DMXL2: variants seen among roughly 807,000 people sequenced by gnomAD.
The protein encoded by DMXL2 is Dmx like 2.
In DMXL2, 103 loss-of-function variants were observed where a neutral mutation model predicts 331.1. That is an observed-to-expected ratio of 0.31 (90% CI 0.27 to 0.37). The LOEUF is 0.37. Among genes scored for constraint, DMXL2 ranks in the 10% least tolerant of loss-of-function variants. DMXL2 has a pLI of 1.00. For missense variants in DMXL2, 3,171 were observed against 3,642.9 expected, an observed-to-expected ratio of 0.87 and a Z score of 3.33; for synonymous variants, 1,281 against 1,252.1, an observed-to-expected ratio of 1.02 and a Z score of -0.49.
At position 51,621,156 on chromosome 15, in the gene DMXL2, G is replaced by C. The variant is rs540440955; in HGVS notation, c.87+1303C>G. On this transcript the variant is annotated intron_variant, in intron 1 of 43. Transcript: ENST00000560891. ...GCTCAGCTCTATATGAATATTTTAA[G>C]TCACATGTACATAAAACACAGATGA... Among the ~76,000 whole-genome samples the C allele has an allele frequency of 2.6e-5, 4 of 152,234 alleles. No homozygotes were observed. In the East Asian group the frequency reaches 7.7e-4, roughly 29 times the overall value.
intron 2 of DMXL2, among the ~76,000 whole-genome samples, chr15:51,571,084 G>A (rs763162359): frequency 2.0e-5 from 3 of 152,130 alleles, no homozygotes; most frequent in Non-Finnish European, 4.4e-5. Flanking sequence ...TAAAGGGATA[G>A]AGGAAGATTT....
Position 51,537,536 on chromosome 15 carries a change from A to C in DMXL2, c.1569T>G (p.His523Gln). The stretch of plus-strand genomic sequence containing the variant: ...GATTATATTCATCCAAATACTTCAC[A>C]TGCCACACTAGAAAGGTACCATCTA... ...HPVDGTFLVW[H>Q]VKYLDEYNPG... The change falls in exon 11 of 44, where the codon CAT (histidine) becomes CAG (glutamine). Residue 523 changes from histidine (H) to glutamine (Q), a missense_variant. His to Gln is a conservative substitution (Grantham distance 24). Coordinates refer to ENST00000560891, the MANE Select transcript of DMXL2 (RefSeq NM_001378457.1). The C allele has an allele frequency of 6.2e-7, 1 of 1,613,826 alleles. No homozygotes were observed. Among genetic ancestry groups the C allele is most frequent in the Non-Finnish European group, 8.5e-7 (1 of 1,179,816 alleles).
Position 51,600,663 on chromosome 15 carries a change from C to G in DMXL2, c.87+21796G>C, listed in dbSNP as rs77014278. ...AGCTCACCTGACCAACACACCTGAA[C>G]CTAATTCTCCGCTTGGTCAGGGTTC... On this transcript the variant is annotated intron_variant, in intron 1 of 43. Coordinates refer to ENST00000560891, the MANE Select transcript of DMXL2 (RefSeq NM_001378457.1). Among the ~76,000 whole-genome samples the G allele has an allele frequency of 2.6e-3, 393 of 152,272 alleles. 17 individuals carry two copies. In the East Asian group the frequency reaches 0.061, roughly 24 times the overall value.
chr15:51,462,319 CATTG>C (rs1016735593), intron 33 of DMXL2, among the ~76,000 whole-genome samples: 5 of 152,090 alleles, frequency 3.3e-5, no homozygotes, highest in Non-Finnish European at 7.4e-5. Flanking sequence ...CTTCTCTTCT[CATTG>C]ATTGTGTTTG....
intron 29 of DMXL2, chr15:51,466,540 C>T (rs1027443631): frequency 3.2e-5 from 5 of 158,360 alleles, no homozygotes. Context: ...GTAAAACTCT[C>T]ATATTCAATA....
intron 1 of DMXL2, among the ~76,000 whole-genome samples, chr15:51,590,453 T>C (rs2052208860): frequency 2.0e-5 from 3 of 152,244 alleles, no homozygotes; most frequent in African/African-American, 7.2e-5. Flanking sequence ...GGCTCAGCTG[T>C]ACTACAACTT....
chr15:51,485,034 CA>C (rs35332731), intron 23 of DMXL2, among the ~76,000 whole-genome samples: 1,086 of 99,766 alleles, frequency 0.011, 12 homozygotes, highest in East Asian at 0.078. Flanking sequence ...TCAGGCAAAC[CA>C]AAAAAAAAAA....
At chr15:51,615,869 A>G (rs969519413) in intron 1 of DMXL2, among the ~76,000 whole-genome samples, 2 of 152,202 alleles carry the variant, frequency 1.3e-5, no homozygotes, top group Non-Finnish European at 2.9e-5. Flanking sequence ...TGAGCTACAT[A>G]TATCTGTGAA....
intron 2 of DMXL2, among the ~76,000 whole-genome samples, 172 bp from the exon 3 acceptor site, chr15:51,568,730 T>C (rs987523625): frequency 2.0e-5 from 3 of 152,208 alleles, no homozygotes; most frequent in Non-Finnish European, 4.4e-5. Context: ...CTCTCCCCTG[T>C]TATCAAAAAA....
intron 1 of DMXL2, among the ~76,000 whole-genome samples, chr15:51,589,585 A>G (rs1443547363): frequency 1.3e-5 from 2 of 152,218 alleles, no homozygotes; most frequent in South Asian, 2.1e-4. Context: ...GAGGAAAGAG[A>G]GCAAAACAGG....
chr15:51,454,457 A>T (rs1292431652), intron 40 of DMXL2, among the ~76,000 whole-genome samples: 1 of 152,148 alleles, frequency 6.6e-6, no homozygotes, highest in Non-Finnish European at 1.5e-5. Context: ...ATAATCTGGT[A>T]AGCACAATTC....
rs1378477217 is a variant in DMXL2 at position 51,565,152 on chromosome 15, C to T, written c.300G>A (p.Gln100=). The T allele has an allele frequency of 1.9e-6, 3 of 1,577,116 alleles. No homozygotes were observed. The highest frequency in any genetic ancestry group is 2.6e-6 in the Non-Finnish European group (3 of 1,164,354). ...AAAAAAACTGCCCAGTTTTAAGCCA[C>T]TGGCACTTGAGTTGCTGAAATACGT... ...SHKRNCQLKC[Q]WLKTGQFFLS... The change falls in exon 4 of 44, where the codon CAG becomes CAA. Residue 100 remains glutamine (Q), a synonymous_variant. Transcript: ENST00000560891.
At chr15:51,474,232 T>C in intron 28 of DMXL2, 112 bp downstream of exon 28, 1 of 978,250 alleles carries the variant, frequency 1.0e-6, no homozygotes, top group South Asian at 1.8e-5. Context: ...AGAGTGATTA[T>C]ACTTTAAGCA....
chr15:51,599,347 G>C (rs970518934), intron 1 of DMXL2, among the ~76,000 whole-genome samples: 2 of 152,154 alleles, frequency 1.3e-5, no homozygotes, highest in Admixed American at 1.3e-4. Flanking sequence ...CACTGCTACA[G>C]GGGTATCACT....
chr15:51,617,199 T>C (rs1327511506), intron 1 of DMXL2, among the ~76,000 whole-genome samples: 1 of 152,212 alleles, frequency 6.6e-6, no homozygotes, highest in African/African-American at 2.4e-5. Context: ...CTGATTATAA[T>C]TTCTAAAGTA....
chr15:51,544,388 A>G (rs2048778639), intron 8 of DMXL2, among the ~76,000 whole-genome samples: 1 of 152,164 alleles, frequency 6.6e-6, no homozygotes, highest in African/African-American at 2.4e-5. Flanking sequence ...ACCTTCTGCC[A>G]TGGGTAAAAG....
chr15:51,592,632 G>C (rs1033955936), intron 1 of DMXL2, among the ~76,000 whole-genome samples: 3 of 152,148 alleles, frequency 2.0e-5, no homozygotes, highest in Non-Finnish European at 4.4e-5. Context: ...AACCAAAGTT[G>C]AAATGAAGGA....
chr15:51,601,275 A>C (rs1379103118), intron 1 of DMXL2, among the ~76,000 whole-genome samples: 1 of 121,648 alleles, frequency 8.2e-6, no homozygotes, highest in African/African-American at 3.0e-5. Context: ...TGGGTGACAA[A>C]GCAAGACTCC....
At chr15:51,616,129 A>G (rs1252904594) in intron 1 of DMXL2, among the ~76,000 whole-genome samples, 5 of 152,186 alleles carry the variant, frequency 3.3e-5, no homozygotes, top group Admixed American at 3.3e-4. Flanking sequence ...CATCTCTCCA[A>G]TGATAATCCA....
Sources: allele counts gnomAD v4.1 joint callset (sites outside exome capture counted in the v4.1 genomes callset), GRCh38; gene constraint gnomAD v4.1.1; transcripts MANE v1.5; gene names NCBI Gene and HGNC (gene_info 2026-07-23, HGNC 2026-07-21).